The following SNTB1 variants were observed in gnomAD, a reference collection of about 807,000 sequenced individuals.
The protein encoded by SNTB1 is syntrophin beta 1.
In SNTB1, 36 loss-of-function variants were observed where a neutral mutation model predicts 48.9. The observed-to-expected ratio is 0.74, with a 90% CI of 0.56 to 0.97. SNTB1 has a LOEUF of 0.97. Among genes scored for constraint, SNTB1 ranks in the 50% least tolerant of loss-of-function variants. The probability of loss-of-function intolerance (pLI) is 0.00; values close to 1 mark genes in which losing one functional copy is unlikely to be tolerated. For synonymous variants in SNTB1, 299 were observed against 294.6 expected, an observed-to-expected ratio of 1.01 and a Z score of -0.15; for missense variants, 786 against 703.4, an observed-to-expected ratio of 1.12 and a Z score of -1.33.
intron 1 of SNTB1, among the ~76,000 whole-genome samples, chr8:120,773,533 T>C (rs2130107335): frequency 6.6e-6 from 1 of 152,288 alleles, no homozygotes; most frequent in East Asian, 1.9e-4. Context: ...TTACACTGTG[T>C]TCCATGGTAG....
At chr8:120,666,126 T>G (rs563063201) in intron 2 of SNTB1, among the ~76,000 whole-genome samples, 1 of 152,368 alleles carries the variant, frequency 6.6e-6, no homozygotes, top group South Asian at 2.1e-4. Context: ...TAGTATGGCA[T>G]TGGATTTACA....
intron 4 of SNTB1, among the ~76,000 whole-genome samples, chr8:120,552,519 TGTTAATTTTTGTATTTTTA>T (rs1815497979): frequency 6.7e-6 from 1 of 149,412 alleles, no homozygotes; most frequent in Non-Finnish European, 1.5e-5. Context: ...CACCACACCC[TGTTAATTTTTGTATTTTTA>T]GTAGAGATGG....
chr8:120,588,085 T>A (rs1563824918), intron 3 of SNTB1, among the ~76,000 whole-genome samples: 1 of 152,016 alleles, frequency 6.6e-6, no homozygotes, highest in African/African-American at 2.4e-5. Flanking sequence ...GAAAAAAAAA[T>A]GTATGCTTCA....
chr8:120,708,244 G>A (rs886565092), intron 1 of SNTB1, among the ~76,000 whole-genome samples: 1 of 151,346 alleles, frequency 6.6e-6, no homozygotes, highest in Non-Finnish European at 1.5e-5. Flanking sequence ...TAGAGAGCAT[G>A]GTTAGTCTTG....
At chr8:120,782,403 T>A (rs1037511664) in intron 1 of SNTB1, among the ~76,000 whole-genome samples, 10 of 149,644 alleles carry the variant, frequency 6.7e-5, no homozygotes, top group African/African-American at 2.5e-4. Context: ...TAGAGTTTCT[T>A]TTTTAAAAGA....
intron 2 of SNTB1, among the ~76,000 whole-genome samples, chr8:120,659,257 C>G (rs35594589): frequency 0.39 from 58,543 of 151,970 alleles, 13,220 homozygotes; most frequent in Non-Finnish European, 0.5. Flanking sequence ...AGCCATCATG[C>G]CTGGCTATTT....
intron 2 of SNTB1, among the ~76,000 whole-genome samples, chr8:120,685,995 T>C (rs1468486823): frequency 6.6e-6 from 1 of 152,210 alleles, no homozygotes; most frequent in Non-Finnish European, 1.5e-5. Flanking sequence ...CAATACCATG[T>C]TCCACATTTC....
chr8:120,556,523 T>C (rs753482797), intron 4 of SNTB1, among the ~76,000 whole-genome samples: 2 of 152,222 alleles, frequency 1.3e-5, no homozygotes, highest in Non-Finnish European at 2.9e-5. Flanking sequence ...TTGCTTCTGA[T>C]TATCAACAAT....
At chr8:120,636,730 T>A (rs1165816451) in intron 2 of SNTB1, 3 of 152,330 alleles carry the variant, frequency 2.0e-5, no homozygotes, top group Non-Finnish European at 4.4e-5. Flanking sequence ...TATAGCAGCA[T>A]GATTTATAAT....
chr8:120,767,454 A>C (rs1819545791), intron 1 of SNTB1, among the ~76,000 whole-genome samples: 1 of 152,304 alleles, frequency 6.6e-6, no homozygotes, highest in South Asian at 2.1e-4. Flanking sequence ...AACACAAAGA[A>C]CTTGCAAGTT....
At chr8:120,715,147 A>G (rs1401481085) in intron 1 of SNTB1, among the ~76,000 whole-genome samples, 1 of 152,160 alleles carries the variant, frequency 6.6e-6, no homozygotes, top group African/African-American at 2.4e-5. Context: ...GCACAGCTCC[A>G]TTTCCTTCAA....
At chr8:120,672,826 T>A (rs1391976551) in intron 2 of SNTB1, among the ~76,000 whole-genome samples, 1 of 152,236 alleles carries the variant, frequency 6.6e-6, no homozygotes, top group Non-Finnish European at 1.5e-5. Context: ...CCTTGCACTT[T>A]TCCTGAGTTT....
intron 2 of SNTB1, among the ~76,000 whole-genome samples, chr8:120,685,003 C>T (rs1237690518): frequency 1.3e-5 from 2 of 152,186 alleles, no homozygotes; most frequent in South Asian, 2.1e-4. Flanking sequence ...ACTCAAAGTC[C>T]CACCTTCCAG....
At chr8:120,592,969 G>A (rs1022372151) in intron 3 of SNTB1, among the ~76,000 whole-genome samples, 12 of 152,004 alleles carry the variant, frequency 7.9e-5, no homozygotes, top group Admixed American at 6.6e-4. Flanking sequence ...CCCACACCCC[G>A]TTCCCATGGC....
At chr8:120,576,756 G>C (rs1478185328) in intron 3 of SNTB1, among the ~76,000 whole-genome samples, 1 of 152,172 alleles carries the variant, frequency 6.6e-6, no homozygotes, top group Non-Finnish European at 1.5e-5. Context: ...TCAGTTTCTG[G>C]ATCTGTAAAA....
At chr8:120,804,159 T>C (rs772919132) in intron 1 of SNTB1, among the ~76,000 whole-genome samples, 1 of 152,028 alleles carries the variant, frequency 6.6e-6, no homozygotes, top group African/African-American at 2.4e-5. Flanking sequence ...AATCTTCCAA[T>C]TCTTTCTCTC....
chr8:120,735,191 G>C (rs780621111), intron 1 of SNTB1, among the ~76,000 whole-genome samples: 3 of 152,186 alleles, frequency 2.0e-5, no homozygotes, highest in Non-Finnish European at 4.4e-5. Flanking sequence ...AACCCCAAAG[G>C]CAGCTTGAAT....
chr8:120,809,905 C>A (rs567308628), intron 1 of SNTB1, among the ~76,000 whole-genome samples: 2 of 152,168 alleles, frequency 1.3e-5, no homozygotes, highest in Non-Finnish European at 2.9e-5. Flanking sequence ...GGAGGTGGAC[C>A]GTGACATACC....
At chr8:120,696,380 G>T (rs1415797432) in intron 1 of SNTB1, among the ~76,000 whole-genome samples, 1 of 152,118 alleles carries the variant, frequency 6.6e-6, no homozygotes, top group East Asian at 1.9e-4. Context: ...AATTTTTATT[G>T]CAATTCCATA....
Sources: gnomAD v4.1 joint callset for allele counts (sites outside exome capture counted in the v4.1 genomes callset) on GRCh38, gnomAD v4.1.1 for gene constraint, MANE v1.5 for transcripts, NCBI Gene and HGNC (gene_info 2026-07-23, HGNC 2026-07-21) for gene names.